Variants in STRBP observed in about 807,000 individuals in gnomAD.
STRBP encodes spermatid perinuclear RNA binding protein, also known as spermatid perinuclear RNA-binding protein.
Under a neutral mutation model 80.1 loss-of-function variants are expected in STRBP, and 13 were observed. The ratio of observed to expected loss-of-function variants is 0.16; its 90% CI spans 0.11 to 0.26. STRBP has a LOEUF of 0.26. STRBP is among the 10% of genes least tolerant of loss of function. The pLI is 1.00. For missense variants in STRBP, 485 were observed against 815.2 expected (o/e 0.59, Z 4.93); for synonymous variants, 284 against 291.2 (o/e 0.98, Z 0.25).
intron 14 of STRBP, among the ~76,000 whole-genome samples, chr9:123,139,085 A>T (rs2036481223): frequency 6.6e-6 from 1 of 152,162 alleles, no homozygotes; most frequent in South Asian, 2.1e-4. Flanking sequence ...TCAGGGCTGG[A>T]CCAACTAAAT....
At chr9:123,173,141 A>G (rs1017640884) in intron 5 of STRBP, among the ~76,000 whole-genome samples, 2 of 152,188 alleles carry the variant, frequency 1.3e-5, no homozygotes, top group African/African-American at 2.4e-5. Flanking sequence ...CCTCCAGGGA[A>G]CATGCCAGCA....
intron 1 of STRBP, among the ~76,000 whole-genome samples, chr9:123,266,263 T>C (rs185017387): frequency 6.6e-6 from 1 of 152,188 alleles, no homozygotes; most frequent in Admixed American, 6.5e-5. Context: ...TCTCCCAAAT[T>C]TGGGGATGTG....
chr9:123,138,037 T>G (rs923206130), intron 14 of STRBP, among the ~76,000 whole-genome samples: 3 of 152,204 alleles, frequency 2.0e-5, no homozygotes, highest in Admixed American at 1.3e-4. Flanking sequence ...CATAAAAATA[T>G]CTGAATTTTA....
chr9:123,213,097 C>T (rs2039769302), intron 2 of STRBP, among the ~76,000 whole-genome samples: 1 of 152,156 alleles, frequency 6.6e-6, no homozygotes, highest in Non-Finnish European at 1.5e-5. Flanking sequence ...AATCATCACC[C>T]ACCTATGTGC....
At chr9:123,160,809 G>A (rs1234429921) in intron 7 of STRBP, among the ~76,000 whole-genome samples, 168 bp downstream of exon 7, 1 of 152,112 alleles carries the variant, frequency 6.6e-6, no homozygotes, top group African/African-American at 2.4e-5. Flanking sequence ...AACTATAGAA[G>A]CTATACTAGG....
At chr9:123,222,615 G>A (rs1042424052) in intron 2 of STRBP, among the ~76,000 whole-genome samples, 8 of 152,112 alleles carry the variant, frequency 5.3e-5, no homozygotes, top group South Asian at 2.1e-4. Flanking sequence ...ACAATTCTAC[G>A]GCCACTGATC....
chr9:123,228,715 A>C (rs537974138), intron 2 of STRBP, among the ~76,000 whole-genome samples: 3 of 152,188 alleles, frequency 2.0e-5, no homozygotes, highest in Admixed American at 6.5e-5. Context: ...GAACAAGATG[A>C]AGAAACTTGA....
intron 6 of STRBP, among the ~76,000 whole-genome samples, chr9:123,166,104 G>T (rs1157844480): frequency 6.6e-6 from 1 of 152,126 alleles, no homozygotes; most frequent in Non-Finnish European, 1.5e-5. Flanking sequence ...ATAAAGGACA[G>T]GCAAAAAGAC....
At chr9:123,208,197 T>C (rs1410476674) in intron 2 of STRBP, among the ~76,000 whole-genome samples, 1 of 152,008 alleles carries the variant, frequency 6.6e-6, no homozygotes, top group East Asian at 1.9e-4. Context: ...TTCAAAGTAT[T>C]CGAGGGTGCT....
chr9:123,183,549 T>TAAA (rs1034796378), intron 3 of STRBP, among the ~76,000 whole-genome samples: 1 of 152,090 alleles, frequency 6.6e-6, no homozygotes, highest in Admixed American at 6.5e-5. Context: ...TTTTACCAAT[T>TAAA]AAAAGCCTAG....
intron 1 of STRBP, among the ~76,000 whole-genome samples, chr9:123,243,287 A>G (rs2040736506): frequency 6.6e-6 from 1 of 151,414 alleles, no homozygotes; most frequent in South Asian, 2.1e-4. Context: ...AAAAAAAAGA[A>G]AAATAGAGCT....
chr9:123,249,932 T>C (rs2040877359), intron 1 of STRBP, among the ~76,000 whole-genome samples: 1 of 152,336 alleles, frequency 6.6e-6, no homozygotes, highest in Middle Eastern at 3.4e-3. Flanking sequence ...AGGTCACATT[T>C]GGAAGATCAA....
At chr9:123,193,563 T>G (rs2038997201) in intron 2 of STRBP, among the ~76,000 whole-genome samples, 1 of 152,214 alleles carries the variant, frequency 6.6e-6, no homozygotes, top group Non-Finnish European at 1.5e-5. Context: ...AGAATTTTAA[T>G]AACCGCAGAG....
chr9:123,263,541 A>AAAT (rs1295119333), intron 1 of STRBP, among the ~76,000 whole-genome samples: 1 of 151,618 alleles, frequency 6.6e-6, no homozygotes, highest in African/African-American at 2.4e-5. Flanking sequence ...AAAAAAAAAA[A>AAAT]AAAAAGGCAA....
At chr9:123,215,258 T>C (rs367601801) in intron 2 of STRBP, among the ~76,000 whole-genome samples, 6 of 152,092 alleles carry the variant, frequency 3.9e-5, no homozygotes, top group African/African-American at 1.4e-4. Context: ...GTTCTTGCTA[T>C]GTTGCCCAGG....
chr9:123,209,087 C>T (rs2039621465), intron 2 of STRBP, among the ~76,000 whole-genome samples: 1 of 152,056 alleles, frequency 6.6e-6, no homozygotes, highest in South Asian at 2.1e-4. Flanking sequence ...AGCCTGTTGC[C>T]CAAAGCCTGA....
chr9:123,209,822 C>T (rs2039647280), intron 2 of STRBP, among the ~76,000 whole-genome samples: 1 of 152,154 alleles, frequency 6.6e-6, no homozygotes, highest in South Asian at 2.1e-4. Flanking sequence ...CGATAAATTA[C>T]ACTGGTCATA....
intron 6 of STRBP, among the ~76,000 whole-genome samples, chr9:123,162,556 C>T (rs1199999003): frequency 2.6e-5 from 4 of 152,146 alleles, no homozygotes; most frequent in Non-Finnish European, 2.9e-5. Context: ...TTAAAAAAGG[C>T]ATAATGCCAA....
intron 3 of STRBP, chr9:123,111,366 C>T: frequency 3.6e-6 from 1 of 279,736 alleles, no homozygotes; most frequent in South Asian, 3.4e-5. Flanking sequence ...TTCTCACCAC[C>T]TCCCTAGCTA....
Sources: gnomAD v4.1 joint callset for allele counts (sites outside exome capture counted in the v4.1 genomes callset) on GRCh38, gnomAD v4.1.1 for gene constraint, MANE v1.5 for transcripts, NCBI Gene and HGNC (gene_info 2026-07-23, HGNC 2026-07-21) for gene names.